Variants in SLC4A8 observed in about 807,000 individuals in gnomAD.
The protein encoded by SLC4A8 is solute carrier family 4 member 8.
Under a neutral mutation model 125.0 loss-of-function variants are expected in SLC4A8, and 40 were observed. The observed-to-expected ratio is 0.32, with a 90% confidence interval of 0.25 to 0.42. The LOEUF is 0.42. Ranked by LOEUF, SLC4A8 falls within the 10% of genes least tolerant of loss-of-function variation. The pLI is 1.00. For missense variants in SLC4A8, 863 were observed against 1,355.1 expected, an observed-to-expected ratio of 0.64 and a Z score of 5.70; for synonymous variants, 456 against 476.0, an observed-to-expected ratio of 0.96 and a Z score of 0.55.
intron 1 of SLC4A8, among the ~76,000 whole-genome samples, chr12:51,419,117 A>G (rs1948738300): frequency 1.3e-5 from 2 of 152,236 alleles, no homozygotes; most frequent in Admixed American, 1.3e-4. Flanking sequence ...CTAGGAAGCC[A>G]TACAATTAAG....
chr12:51,394,973 G>A (rs1452070107), intron 1 of SLC4A8, among the ~76,000 whole-genome samples: 1 of 151,950 alleles, frequency 6.6e-6, no homozygotes, highest in Non-Finnish European at 1.5e-5. Flanking sequence ...AGGCTGCGGC[G>A]AGCTGTGACT....
intron 15 of SLC4A8, chr12:51,474,720 G>A: frequency 3.5e-6 from 2 of 568,184 alleles, no homozygotes; most frequent in Admixed American, 3.0e-5. Flanking sequence ...AGGACAGGGG[G>A]CAGATCCAGA....
intron 1 of SLC4A8, among the ~76,000 whole-genome samples, chr12:51,426,162 C>T (rs1030923172): frequency 7.2e-5 from 11 of 152,138 alleles, no homozygotes; most frequent in Admixed American, 2.6e-4. Context: ...GAGTTTGCAA[C>T]AAAATGAGTA....
chr12:51,499,203 T>TA (rs776273250), intron 22 of SLC4A8, among the ~76,000 whole-genome samples: 31 of 151,990 alleles, frequency 2.0e-4, no homozygotes, highest in Non-Finnish European at 4.0e-4. Flanking sequence ...ATAAGAAAGA[T>TA]ATGTGGACGT....
chr12:51,426,579 A>ATTT (rs1481831983), intron 1 of SLC4A8, among the ~76,000 whole-genome samples: 1 of 152,190 alleles, frequency 6.6e-6, no homozygotes, highest in Non-Finnish European at 1.5e-5. Flanking sequence ...AGGATGAATA[A>ATTT]ATGTTAACTG....
intron 1 of SLC4A8, among the ~76,000 whole-genome samples, chr12:51,410,460 CTT>C (rs879520939): frequency 2.8e-5 from 4 of 144,570 alleles, no homozygotes; most frequent in Admixed American, 6.9e-5. Context: ...AAATTAATCT[CTT>C]TTTTTTTTTT....
chr12:51,416,894 G>C (rs1948697322), intron 1 of SLC4A8, among the ~76,000 whole-genome samples: 1 of 152,132 alleles, frequency 6.6e-6, no homozygotes, highest in Non-Finnish European at 1.5e-5. Flanking sequence ...GGAGGCCAAG[G>C]TGGGTGGATT....
intron 1 of SLC4A8, among the ~76,000 whole-genome samples, chr12:51,436,235 C>T (rs1949407745): frequency 6.6e-6 from 1 of 152,142 alleles, no homozygotes; most frequent in African/African-American, 2.4e-5. Context: ...ACACAACAAG[C>T]CTCAGAATAC....
At chr12:51,498,549 G>A (rs1350113686) in intron 22 of SLC4A8, among the ~76,000 whole-genome samples, 2 of 151,532 alleles carry the variant, frequency 1.3e-5, no homozygotes, top group Admixed American at 6.6e-5. Flanking sequence ...ACAAGTGTTG[G>A]CAAGACTGTA....
intron 1 of SLC4A8, among the ~76,000 whole-genome samples, chr12:51,439,742 T>C (rs548578701): frequency 3.1e-4 from 47 of 152,258 alleles, no homozygotes; most frequent in Non-Finnish European, 5.9e-4. Flanking sequence ...AAAAGGGAAC[T>C]AGCTACCTGA....
rs756642265 is a variant in SLC4A8, at chr12:51,457,483, G to T, written c.707G>T (p.Arg236Leu). 8 of 1,613,900 alleles carry T rather than the reference G, an allele frequency of 5.0e-6. No individual in the cohort carries two copies. In the Admixed American group the frequency reaches 5.0e-5, roughly 10 times the overall value. Residue 236 changes from arginine (R) to leucine (L), a missense_variant, in exon 6 of 25, where the codon CGC (arginine) becomes CTC (leucine). Arg to Leu is a moderately radical substitution (Grantham distance 102). This residue lies in a region of SLC4A8 where 390 missense variants were observed against 634.4 expected (regional missense o/e 0.61). Coordinates refer to ENST00000453097, the MANE Select transcript of SLC4A8 (RefSeq NM_001039960.3). The part of the protein sequence containing the change: ...KKRNNLIPIV[R>L]SFAEVGKKQS... ...AGAAACAACCTCATTCCCATTGTTC[G>T]CTCCTTTGCTGAGGTTGGCAAGAAG...
chr12:51,452,028 C>G, intron 3 of SLC4A8, 96 bp from the exon 4 acceptor site: 11 of 1,138,208 alleles, frequency 9.7e-6, no homozygotes, highest in Admixed American at 3.8e-5. Flanking sequence ...TCGTGGTTGT[C>G]TATATATATT....
intron 12 of SLC4A8, 54 bp downstream of exon 12, chr12:51,469,842 G>A: frequency 6.4e-7 from 1 of 1,570,274 alleles, no homozygotes; most frequent in African/African-American, 1.4e-5. Context: ...AAATATTGTG[G>A]CGGCAGCCAG....
chr12:51,464,343 T>C (rs1828904314), intron 11 of SLC4A8, among the ~76,000 whole-genome samples: 1 of 152,204 alleles, frequency 6.6e-6, no homozygotes, highest in Non-Finnish European at 1.5e-5. Context: ...ATGATAAATG[T>C]TGAGTGATCA....
intron 1 of SLC4A8, among the ~76,000 whole-genome samples, chr12:51,397,224 G>T (rs543193699): frequency 6.6e-6 from 1 of 152,166 alleles, no homozygotes; most frequent in East Asian, 1.9e-4. Context: ...CACCACGCCC[G>T]GTCTCAGCCT....
intron 1 of SLC4A8, among the ~76,000 whole-genome samples, chr12:51,429,066 C>A (rs967915145): frequency 3.3e-5 from 5 of 152,090 alleles, no homozygotes; most frequent in Admixed American, 3.3e-4. Flanking sequence ...CCTGCCACCA[C>A]CCCTAGCTAA....
intron 23 of SLC4A8, among the ~76,000 whole-genome samples, chr12:51,505,458 A>G (rs1938126146): frequency 6.6e-6 from 1 of 152,246 alleles, no homozygotes; most frequent in African/African-American, 2.4e-5. Context: ...TGGGAAAATG[A>G]ATGAAAAATG....
At chr12:51,397,514 G>T (rs1948287085) in intron 1 of SLC4A8, among the ~76,000 whole-genome samples, 3 of 152,060 alleles carry the variant, frequency 2.0e-5, no homozygotes, top group African/African-American at 7.2e-5. Flanking sequence ...GTGGGATGGG[G>T]AATATATTAT....
chr12:51,478,057 C>T (rs984438368), intron 16 of SLC4A8, among the ~76,000 whole-genome samples: 6 of 151,972 alleles, frequency 3.9e-5, no homozygotes, highest in African/African-American at 7.3e-5. Flanking sequence ...GGGCAGATCA[C>T]GAGGTCAGGA....
Sources: gnomAD v4.1 joint callset for allele counts (sites outside exome capture counted in the v4.1 genomes callset) on GRCh38, gnomAD v4.1.1 for gene constraint, gnomAD v4.1.1 regional missense constraint, MANE v1.5 for transcripts, NCBI Gene and HGNC (gene_info 2026-07-23, HGNC 2026-07-21) for gene names.